LRRC71: variants seen among roughly 807,000 people sequenced by gnomAD.
LRRC71 encodes leucine rich repeat containing 71.
LRRC71 carries 54 observed loss-of-function variants against 66.6 expected under a neutral mutation model. The ratio of observed to expected loss-of-function variants is 0.81; its 90% CI spans 0.65 to 1.02. The LOEUF (loss-of-function observed/expected upper bound fraction) is 1.02, where lower values mean the gene tolerates loss of function less well. Among genes scored for constraint, LRRC71 ranks in the 50% least tolerant of loss-of-function variants. LRRC71 has a pLI of 0.00. For synonymous variants in LRRC71, 323 were observed against 303.9 expected, an observed-to-expected ratio of 1.06 and a Z score of -0.65; for missense variants, 724 against 718.0, an observed-to-expected ratio of 1.01 and a Z score of -0.10.
At chr1:156,939,913 G>A in the LRRC71 span, 4 of 1,600,902 alleles carry the variant, frequency 2.5e-6, no homozygotes, top group Non-Finnish European at 3.4e-6. Context: ...GTTCTCCACT[G>A]GAGGGGAAAC....
downstream of LRRC71, chr1:156,937,234 C>A (rs201991512): frequency 6.2e-7 from 1 of 1,613,618 alleles, no homozygotes; most frequent in Non-Finnish European, 8.5e-7. Context: ...GGGACCCAAG[C>A]CCTGCTTCCC....
the LRRC71 span, chr1:156,939,747 C>G: frequency 6.2e-7 from 1 of 1,614,084 alleles, no homozygotes; most frequent in Non-Finnish European, 8.5e-7. Context: ...CCCCTTCACC[C>G]CCAGGGGGTG....
At chr1:156,932,721 T>C (rs748886320) in intron 14 of LRRC71, 132 bp from the exon 15 acceptor site, 13 of 1,512,986 alleles carry the variant, frequency 8.6e-6, no homozygotes, top group Non-Finnish European at 1.2e-5. Flanking sequence ...AAATCAGCAG[T>C]ATTAATCACT....
rs749217096 is a variant in LRRC71 at position 156,925,064 on chromosome 1, G to A, written c.593+49G>A. 3.9e-6 allele frequency: 6 copies of A among 1,531,056 alleles called. No individual in the cohort carries two copies. The South Asian group carries it at 7.2e-5, about 18-fold the overall frequency. 94.8% of individuals were successfully genotyped at this position (1,531,056 alleles called of 1,614,324 possible). On this transcript the variant is annotated intron_variant, in intron 5 of 14. Transcript: ENST00000337428. ...GTGCCTGGGAAGCCTGGCTGGGCGG[G>A]TGGTCAGAGGGGAGCAGTGTGGGGA...
intron 8 of LRRC71, 40 bp downstream of exon 8, chr1:156,927,856 C>T: frequency 6.2e-7 from 1 of 1,611,084 alleles, no homozygotes; most frequent in Non-Finnish European, 8.5e-7. Flanking sequence ...CGTGGGCGGG[C>T]CGAGGGAGCC....
At chr1:156,940,138 C>A in the LRRC71 span, 1 of 1,493,650 alleles carries the variant, frequency 6.7e-7, no homozygotes, top group Non-Finnish European at 9.0e-7. Flanking sequence ...AGGGTGCAGG[C>A]GCCTGCCAGT....
the LRRC71 span, chr1:156,938,666 A>C: frequency 1.6e-6 from 1 of 614,422 alleles, no homozygotes; most frequent in Non-Finnish European, 2.8e-6. Context: ...ACACGATGAC[A>C]TCCCAGGCAG....
At chr1:156,938,349 C>G in the LRRC71 span, 1 of 1,448,188 alleles carries the variant, frequency 6.9e-7, no homozygotes, top group East Asian at 2.3e-5. Flanking sequence ...GGCAGGGGTC[C>G]GACTCTGCCC....
chr1:156,936,490 AAAAAAAAAT>A (rs1383096501), downstream of LRRC71, among the ~76,000 whole-genome samples: 88 of 95,898 alleles, frequency 9.2e-4, no homozygotes, highest in Middle Eastern at 4.6e-3. Context: ...GAAAAAAAAA[AAAAAAAAAT>A]ATATATATAT....
Position 156,924,051 on chromosome 1 carries a change from A to G in LRRC71, c.263A>G (p.His88Arg), listed in dbSNP as rs1247258686. 4.2e-5 allele frequency: 32 copies of G among 762,844 alleles called. No individual in the cohort carries two copies. In the East Asian group the frequency reaches 1.8e-3, roughly 42 times the overall value. 47.3% of individuals were successfully genotyped at this position (762,844 alleles called of 1,614,324 possible). ...FPKVVNRPRP[H>R]PPFVPSASLS... is the part of the protein sequence containing the mutation. ...AAAGTTGTCAACCGGCCCCGCCCCCACCCGCCCTTCGTCCCCTCCGCCTCT... is the reference window on the plus strand; with the variant it reads ...AAAGTTGTCAACCGGCCCCGCCCCCGCCCGCCCTTCGTCCCCTCCGCCTCT... Residue 88 changes from histidine (H) to arginine (R), a missense_variant, in exon 2 of 15, where the codon CAC becomes CGC. His to Arg is a conservative substitution (Grantham distance 29, BLOSUM62 0). Transcript: ENST00000337428.
At chr1:156,922,439 G>A (rs374585037) in intron 1 of LRRC71, among the ~76,000 whole-genome samples, 10 of 152,180 alleles carry the variant, frequency 6.6e-5, no homozygotes, top group South Asian at 2.1e-4. Flanking sequence ...ATGTGGGCTC[G>A]TGTCCGGTAG....
At position 156,924,977 on chromosome 1, in the gene LRRC71, C is replaced by G; in HGVS notation, c.555C>G (p.Thr185=). 3.2e-6 allele frequency: 5 copies of G among 1,551,680 alleles called. No homozygotes were observed. Among genetic ancestry groups the G allele is most frequent in the Non-Finnish European group, 3.5e-6 (4 of 1,147,000 alleles). The part of the protein sequence containing the change: ...KVGLTDKTLT[T]FIELLPLCSS... ...GGCTGACCGATAAGACCCTGACCAC[C>G]TTCATCGAGCTCCTGCCTCTCTGTT... The change falls in exon 5 of 15, where the codon ACC becomes ACG. Residue 185 remains threonine (T), a synonymous_variant. Transcript: ENST00000337428.
At chr1:156,931,811 A>G in intron 12 of LRRC71, 105 bp from the exon 13 acceptor site, 1 of 879,148 alleles carries the variant, frequency 1.1e-6, no homozygotes, top group Non-Finnish European at 1.8e-6. Flanking sequence ...CAAAGCCTGG[A>G]CTATAGCCGG....
At chr1:156,938,319 T>C in the LRRC71 span, 23 of 1,096,732 alleles carry the variant, frequency 2.1e-5, no homozygotes, top group African/African-American at 3.6e-4. Context: ...AGGGAGCTTG[T>C]GGGTGTGTGT....
In LRRC71 at chr1:156,923,965, C is replaced by T. The variant is rs1235975758; in HGVS notation, c.177C>T (p.Ser59=). 8 of 1,526,572 alleles carry T rather than the reference C, an allele frequency of 5.2e-6. No individual in the cohort carries two copies. The highest frequency in any genetic ancestry group is 2.0e-5 in the Admixed American group (1 of 49,568). The allele number at this position is 1,526,572 out of a possible 1,614,324, so 94.6% of individuals were successfully genotyped here. The part of the protein sequence containing the change: ...EPKSPEEYQC[S]GVLETDFAEL... ...CCCCCGCAGAGGAGTACCAGTGCTC[C>T]GGGGTCCTCGAGACCGACTTCGCCG... is the stretch of plus-strand genomic sequence containing the variant. The change falls in exon 2 of 15, where the codon TCC becomes TCT. Residue 59 remains serine, a synonymous_variant. Transcript: ENST00000337428.
intron 7 of LRRC71, 36 bp downstream of exon 7, chr1:156,927,691 G>GGGGCGGCTT (rs1433575678): frequency 6.2e-7 from 1 of 1,605,816 alleles, no homozygotes; most frequent in Non-Finnish European, 8.5e-7. Context: ...GCTGGGAGCA[G>GGGGCGGCTT]GGGCGGCTTG....
chr1:156,930,513 C>T lies in LRRC71; in HGVS notation c.1241-16C>T. ...GAAGTGTGCACTGTGCATTCTGGCT[C>T]CTCTTCTGGCCCCAGAGGTAACCAT... On this transcript the variant is annotated splice_polypyrimidine_tract_variant and intron_variant, in intron 11 of 14. Coordinates refer to ENST00000337428, the MANE Select transcript of LRRC71 (RefSeq NM_144702.3). 1 of 1,553,370 alleles carries T rather than the reference C, an allele frequency of 6.4e-7. No individual in the cohort carries two copies. Among genetic ancestry groups the T allele is most frequent in the Non-Finnish European group, 8.7e-7 (1 of 1,147,568 alleles).
downstream of LRRC71, chr1:156,935,731 T>TG: frequency 2.1e-6 from 1 of 467,650 alleles, no homozygotes; most frequent in Non-Finnish European, 3.8e-6. Context: ...CCATGGTGAG[T>TG]GGGGGCCTTT....
downstream of LRRC71, among the ~76,000 whole-genome samples, chr1:156,934,350 C>T (rs1234951434): frequency 1.3e-5 from 2 of 152,120 alleles, no homozygotes; most frequent in Non-Finnish European, 2.9e-5. Flanking sequence ...TGGTTACAGT[C>T]TTGGTGATGT....
Sources: allele counts gnomAD v4.1 joint callset (sites outside exome capture counted in the v4.1 genomes callset), GRCh38; gene constraint gnomAD v4.1.1; transcripts MANE v1.5; gene names NCBI Gene and HGNC (gene_info 2026-07-23, HGNC 2026-07-21).